The following CACNA2D1 variants were observed in gnomAD, a reference collection of about 807,000 sequenced individuals.
The protein encoded by CACNA2D1 is voltage-dependent calcium channel subunit alpha-2/delta-1.
CACNA2D1 carries 53 observed loss-of-function variants against 171.5 expected under a neutral mutation model. The observed-to-expected ratio is 0.31, with a 90% CI of 0.25 to 0.39. The LOEUF (loss-of-function observed/expected upper bound fraction) is 0.39, where lower values mean the gene tolerates loss of function less well. Among genes scored for constraint, CACNA2D1 ranks in the 10% least tolerant of loss-of-function variants. The pLI, the probability that CACNA2D1 is intolerant of heterozygous loss-of-function variation, is 1.00. For missense variants in CACNA2D1, 903 were observed against 1,299.8 expected, an observed-to-expected ratio of 0.69 and a Z score of 4.69; for synonymous variants, 442 against 443.1, an observed-to-expected ratio of 1.00 and a Z score of 0.03.
At chr7:82,127,201 T>A (rs991941797) in intron 5 of CACNA2D1, among the ~76,000 whole-genome samples, 3 of 152,266 alleles carry the variant, frequency 2.0e-5, no homozygotes, top group Admixed American at 6.5e-5. Context: ...ACAGAGAAGA[T>A]GAGACAACAC....
At chr7:82,258,003 G>C (rs551457058) in intron 3 of CACNA2D1, among the ~76,000 whole-genome samples, 1 of 152,308 alleles carries the variant, frequency 6.6e-6, no homozygotes, top group Admixed American at 6.5e-5. Flanking sequence ...GGAGACCCCA[G>C]TGTTGGAAGA....
At chr7:81,961,620 AGAAAG>A (rs1336790264) in intron 36 of CACNA2D1, among the ~76,000 whole-genome samples, 6 of 152,034 alleles carry the variant, frequency 3.9e-5, no homozygotes, top group East Asian at 1.9e-4. Flanking sequence ...CTGCCTAAAG[AGAAAG>A]GAATTATCTT....
chr7:81,987,492 A>T (rs2130701980), intron 21 of CACNA2D1, among the ~76,000 whole-genome samples: 1 of 152,268 alleles, frequency 6.6e-6, no homozygotes, highest in African/African-American at 2.4e-5. Flanking sequence ...ATTATTCTCT[A>T]AAAAAAGAGA....
intron 3 of CACNA2D1, among the ~76,000 whole-genome samples, chr7:82,248,011 T>C (rs186563930): frequency 3.9e-5 from 6 of 152,294 alleles, no homozygotes; most frequent in African/African-American, 1.2e-4. Flanking sequence ...CAGCCAGTTA[T>C]ACTGCCACCT....
chr7:82,033,732 T>C (rs1321911385), intron 11 of CACNA2D1, among the ~76,000 whole-genome samples: 6 of 152,064 alleles, frequency 3.9e-5, no homozygotes, highest in Non-Finnish European at 8.8e-5. Flanking sequence ...GAGTTAGATA[T>C]GGGAGAATGA....
At chr7:81,954,341 TTTTATTAGAC>T (rs1233090037) in intron 38 of CACNA2D1, among the ~76,000 whole-genome samples, 5 of 151,850 alleles carry the variant, frequency 3.3e-5, no homozygotes, top group Non-Finnish European at 7.4e-5. Flanking sequence ...ATAAAACTAA[TTTTATTAGAC>T]TTCCTTATAG....
chr7:82,200,427 C>T (rs1799290538), intron 3 of CACNA2D1, among the ~76,000 whole-genome samples: 1 of 151,806 alleles, frequency 6.6e-6, no homozygotes, highest in African/African-American at 2.4e-5. Flanking sequence ...CAGTAATACG[C>T]ATATATTTTT....
At chr7:82,332,524 A>AAGAGAAAGAAAG (rs3054695) in intron 3 of CACNA2D1, among the ~76,000 whole-genome samples, 2 of 139,834 alleles carry the variant, frequency 1.4e-5, no homozygotes, top group Admixed American at 1.4e-4. Context: ...GAAAGAAAGA[A>AAGAGAAAGAAAG]AGAAAGAAAG....
intron 3 of CACNA2D1, among the ~76,000 whole-genome samples, chr7:82,181,816 T>C (rs571547461): frequency 6.6e-6 from 1 of 152,278 alleles, no homozygotes; most frequent in East Asian, 1.9e-4. Flanking sequence ...ATGAACTTTG[T>C]CTCTGAGCCA....
At chr7:82,356,039 C>T (rs531012084) in intron 1 of CACNA2D1, among the ~76,000 whole-genome samples, 1 of 152,148 alleles carries the variant, frequency 6.6e-6, no homozygotes, top group African/African-American at 2.4e-5. Flanking sequence ...CATCTTATCC[C>T]TCCTCCAGTC....
intron 3 of CACNA2D1, among the ~76,000 whole-genome samples, chr7:82,179,044 G>T (rs1224012737): frequency 6.6e-6 from 1 of 151,524 alleles, no homozygotes; most frequent in East Asian, 1.9e-4. Context: ...TGACTTTCTG[G>T]CCACAAAAGC....
intron 12 of CACNA2D1, among the ~76,000 whole-genome samples, chr7:82,025,094 CTT>C (rs1257529316): frequency 1.3e-5 from 2 of 151,478 alleles, no homozygotes; most frequent in African/African-American, 2.4e-5. Flanking sequence ...CAGCTTTAGT[CTT>C]GTTTTGTTCA....
chr7:82,276,754 C>CTT (rs199823327), intron 3 of CACNA2D1, among the ~76,000 whole-genome samples: 166 of 138,604 alleles, frequency 1.2e-3, no homozygotes, highest in African/African-American at 3.4e-3. Context: ...TTTTCTTTTT[C>CTT]TTTTTTTTTT....
chr7:82,428,560 T>C (rs1200747949), intron 1 of CACNA2D1, among the ~76,000 whole-genome samples: 2 of 152,154 alleles, frequency 1.3e-5, no homozygotes, highest in Non-Finnish European at 2.9e-5. Flanking sequence ...AGGAGTAGAT[T>C]AGAAAATCAA....
intron 12 of CACNA2D1, among the ~76,000 whole-genome samples, chr7:82,030,495 A>T (rs943809260): frequency 1.3e-5 from 2 of 151,642 alleles, no homozygotes; most frequent in African/African-American, 4.8e-5. Flanking sequence ...ATCCACCTGA[A>T]AAAACCTTTA....
intron 2 of CACNA2D1, among the ~76,000 whole-genome samples, chr7:82,339,089 C>T (rs1477065629): frequency 6.6e-6 from 1 of 152,100 alleles, no homozygotes; most frequent in Non-Finnish European, 1.5e-5. Flanking sequence ...AAGTTTCTCC[C>T]TGCGCCCAGG....
intron 4 of CACNA2D1, among the ~76,000 whole-genome samples, chr7:82,142,900 T>C (rs1048665212): frequency 2.0e-5 from 3 of 152,216 alleles, no homozygotes; most frequent in African/African-American, 4.8e-5. Context: ...TTTCTGGAAA[T>C]ACATTTGTAG....
intron 10 of CACNA2D1, among the ~76,000 whole-genome samples, chr7:82,052,129 A>T (rs1805261855): frequency 6.6e-6 from 1 of 152,170 alleles, no homozygotes; most frequent in Non-Finnish European, 1.5e-5. Context: ...AAGTGTTAAT[A>T]TAGATTGCAT....
intron 24 of CACNA2D1, among the ~76,000 whole-genome samples, chr7:81,975,568 G>C (rs1158237101): frequency 1.3e-5 from 2 of 152,016 alleles, no homozygotes; most frequent in African/African-American, 4.8e-5. Flanking sequence ...TTGATGGGTA[G>C]TTGTAACATG....
Sources: allele counts gnomAD v4.1 joint callset (sites outside exome capture counted in the v4.1 genomes callset), GRCh38; gene constraint gnomAD v4.1.1; transcripts MANE v1.5; gene names NCBI Gene and HGNC (gene_info 2026-07-23, HGNC 2026-07-21).